The following NFIA variants were observed in gnomAD, a reference collection of about 807,000 sequenced individuals.
NFIA encodes nuclear factor I A.
A neutral mutation model predicts 62.8 loss-of-function variants in NFIA; 8 were observed. The ratio of observed to expected loss-of-function variants is 0.13; its 90% confidence interval spans 0.07 to 0.23. NFIA has a LOEUF of 0.23. NFIA is among the 10% of genes least tolerant of loss of function. NFIA has a pLI of 1.00. For missense variants in NFIA, 410 were observed against 642.1 expected, an observed-to-expected ratio of 0.64 and a Z score of 3.91; for synonymous variants, 235 against 238.1, an observed-to-expected ratio of 0.99 and a Z score of 0.12.
intron 4 of NFIA, among the ~76,000 whole-genome samples, chr1:61,351,509 C>A (rs1662548509): frequency 6.6e-6 from 1 of 152,148 alleles, no homozygotes. Flanking sequence ...CCTGCTTTGA[C>A]ATAACCTTTC....
chr1:61,226,819 G>A (rs1450165785), intron 2 of NFIA, among the ~76,000 whole-genome samples: 1 of 152,164 alleles, frequency 6.6e-6, no homozygotes, highest in African/African-American at 2.4e-5. Flanking sequence ...TATTGGGCAG[G>A]TTGCCAGTTG....
chr1:61,288,584 G>A (rs1658659569), intron 3 of NFIA, among the ~76,000 whole-genome samples: 1 of 152,186 alleles, frequency 6.6e-6, no homozygotes, highest in Non-Finnish European at 1.5e-5. Context: ...CACAATCATT[G>A]TGGACTTTCT....
chr1:61,120,679 G>A (rs192854450), intron 2 of NFIA, among the ~76,000 whole-genome samples: 3 of 152,292 alleles, frequency 2.0e-5, no homozygotes, highest in South Asian at 2.1e-4. Flanking sequence ...TAGCACATAC[G>A]AGGCCTTCTA....
intron 9 of NFIA, among the ~76,000 whole-genome samples, chr1:61,408,895 G>GATGT (rs1665973268): frequency 6.6e-6 from 1 of 152,228 alleles, no homozygotes; most frequent in East Asian, 1.9e-4. Context: ...CATAGTGGAA[G>GATGT]ACTCCAGGCT....
At chr1:61,311,018 G>A (rs2100349066) in intron 3 of NFIA, among the ~76,000 whole-genome samples, 1 of 152,260 alleles carries the variant, frequency 6.6e-6, no homozygotes, top group Non-Finnish European at 1.5e-5. Flanking sequence ...GGCCCTTGGT[G>A]TGTTTTAGGG....
intron 2 of NFIA, among the ~76,000 whole-genome samples, chr1:61,227,250 T>C (rs1477260448): frequency 6.6e-6 from 1 of 152,252 alleles, no homozygotes; most frequent in East Asian, 1.9e-4. Flanking sequence ...GTTTCAATTT[T>C]ATTTTGGGTG....
chr1:61,390,964 T>A (rs561316678), intron 7 of NFIA, among the ~76,000 whole-genome samples: 3 of 152,240 alleles, frequency 2.0e-5, no homozygotes, highest in Non-Finnish European at 2.9e-5. Context: ...TAGTATAATA[T>A]TCAAATGCAT....
At chr1:61,365,021 C>A (rs1663509849) in intron 6 of NFIA, among the ~76,000 whole-genome samples, 1 of 151,642 alleles carries the variant, frequency 6.6e-6, no homozygotes, top group Non-Finnish European at 1.5e-5. Flanking sequence ...CCTGTCTCTA[C>A]AAAAAAAAAT....
chr1:61,365,288 T>C (rs1274566075), intron 6 of NFIA, among the ~76,000 whole-genome samples: 2 of 152,210 alleles, frequency 1.3e-5, no homozygotes, highest in Non-Finnish European at 2.9e-5. Context: ...TGTTACACTT[T>C]GCAAAGCACT....
At chr1:61,245,820 G>A (rs1440721677) in intron 2 of NFIA, among the ~76,000 whole-genome samples, 1 of 152,070 alleles carries the variant, frequency 6.6e-6, no homozygotes, top group African/African-American at 2.4e-5. Flanking sequence ...GTCATTCTGT[G>A]ATATAAATTC....
chr1:61,340,866 GTTTTTCCTCAAATTTTCAGAAGATTC>G (rs888552978), intron 4 of NFIA, among the ~76,000 whole-genome samples: 4 of 152,016 alleles, frequency 2.6e-5, no homozygotes, highest in African/African-American at 7.2e-5. Flanking sequence ...TTTGAGCATT[GTTTTTCCTCAAATTTTCAGAAGATTC>G]TTTTTCCTCA....
intron 2 of NFIA, chr1:61,253,557 G>A (rs1013723929): frequency 6.6e-6 from 1 of 152,316 alleles, no homozygotes; most frequent in Admixed American, 6.5e-5. Flanking sequence ...CACAGATGGG[G>A]ACTGTTATGT....
chr1:61,154,831 C>T (rs535006858), intron 2 of NFIA, among the ~76,000 whole-genome samples: 20 of 152,312 alleles, frequency 1.3e-4, no homozygotes, highest in Non-Finnish European at 1.9e-4. Context: ...TAAATTGAGA[C>T]GTGACCTATG....
At position 61,278,796 on chromosome 1, in the gene NFIA, G is replaced by A. The variant is rs1378421177; in HGVS notation, c.625+1211G>A. On this transcript the variant is annotated intron_variant, in intron 3 of 10. Transcript: ENST00000403491. ...AACAGAGCAGAACATCTCAGGGGAG[G>A]CGGGGCGGCGGAAGCTCAGGCTGTG... Among the ~76,000 whole-genome samples, 3 of 151,948 alleles carry A rather than the reference G, an allele frequency of 2.0e-5. No homozygotes were observed. The South Asian group carries it at 6.3e-4, about 32-fold the overall frequency.
At chr1:61,397,234 ACTTTTAT>A (rs1171737550) in intron 7 of NFIA, among the ~76,000 whole-genome samples, 2 of 152,120 alleles carry the variant, frequency 1.3e-5, no homozygotes, top group Non-Finnish European at 2.9e-5. Context: ...TCTTTAAAGA[ACTTTTAT>A]CTTTACTTAG....
intron 2 of NFIA, among the ~76,000 whole-genome samples, chr1:61,108,351 A>C (rs1300148523): frequency 6.6e-6 from 1 of 151,618 alleles, no homozygotes; most frequent in Non-Finnish European, 1.5e-5. Flanking sequence ...CACTTTTGTG[A>C]AGCTGCTTTT....
intron 2 of NFIA, among the ~76,000 whole-genome samples, chr1:61,153,524 C>A (rs1341161182): frequency 6.6e-6 from 1 of 152,078 alleles, no homozygotes; most frequent in South Asian, 2.1e-4. Flanking sequence ...CTAATTTTCC[C>A]GTTGTAAAAA....
intron 6 of NFIA, among the ~76,000 whole-genome samples, chr1:61,371,964 T>C (rs1394203313): frequency 6.6e-6 from 1 of 152,152 alleles, no homozygotes; most frequent in Non-Finnish European, 1.5e-5. Context: ...AAAGATGATA[T>C]ATAGCTAGCA....
chr1:61,438,260 C>G (rs1262043101), intron 10 of NFIA, among the ~76,000 whole-genome samples: 1 of 152,134 alleles, frequency 6.6e-6, no homozygotes, highest in African/African-American at 2.4e-5. Context: ...CTGCATTCCA[C>G]TTAGAGTTAT....
Sources: allele counts gnomAD v4.1 joint callset (sites outside exome capture counted in the v4.1 genomes callset), GRCh38; gene constraint gnomAD v4.1.1; transcripts MANE v1.5; gene names NCBI Gene and HGNC (gene_info 2026-07-23, HGNC 2026-07-21).